The following HMOX2 variants were observed in gnomAD, a reference collection of about 807,000 sequenced individuals.
HMOX2 encodes heme oxygenase 2.
In HMOX2, 30 loss-of-function variants were observed where a neutral mutation model predicts 33.7. That is an observed-to-expected ratio of 0.89 (90% CI 0.67 to 1.21). The LOEUF (loss-of-function observed/expected upper bound fraction) is 1.21. Among genes scored for constraint, HMOX2 ranks in the 50% most tolerant of loss-of-function variants. The probability of loss-of-function intolerance (pLI) is 0.00; values close to 1 mark genes in which losing one functional copy is unlikely to be tolerated. For missense variants in HMOX2, 403 were observed against 399.1 expected, an observed-to-expected ratio of 1.01 and a Z score of -0.08; for synonymous variants, 155 against 155.0, an observed-to-expected ratio of 1.00 and a Z score of 0.00.
At chr16:4,481,813 G>C (rs8057858) in intron 1 of HMOX2, 17,475 of 152,126 alleles carry the variant, frequency 0.11, 2,094 homozygotes, top group African/African-American at 0.3. Flanking sequence ...CTGCTGTTGT[G>C]TCTGGCAAGA....
At chr16:4,492,799 G>A (rs549354541) in intron 1 of HMOX2, among the ~76,000 whole-genome samples, 154 of 152,170 alleles carry the variant, frequency 1.0e-3, no homozygotes, top group African/African-American at 3.3e-3. Flanking sequence ...CACTTTGGGA[G>A]GCCGAGGCGG....
intron 1 of HMOX2, among the ~76,000 whole-genome samples, chr16:4,480,439 G>A (rs898605671): frequency 4.0e-5 from 6 of 150,942 alleles, no homozygotes; most frequent in African/African-American, 1.5e-4. Context: ...CTGCCTCCTG[G>A]GTTCAAGTGA....
In HMOX2 at chr16:4,490,956, G is replaced by A. The variant is rs73494693; in HGVS notation, c.-42+14469G>A. ...TGCGTGCGTGCAAGCACATTTGTGC[G>A]CTATAGGACATTGAGTAGTATCCCT... On this transcript the variant is annotated intron_variant, in intron 1 of 5. Transcript: ENST00000570646. 1.6e-3 allele frequency among the ~76,000 whole-genome samples: 245 copies of A among 152,210 alleles called. 2 individuals are homozygous for A. Among genetic ancestry groups the A allele is most frequent in the African/African-American group, 5.3e-3 (222 of 41,528 alleles).
chr16:4,488,842 T>G (rs1379485034), intron 1 of HMOX2: 5 of 127,300 alleles, frequency 3.9e-5, no homozygotes, highest in East Asian at 2.2e-4. Flanking sequence ...TTTTTTTTTT[T>G]GAGACAGGAT....
intron 1 of HMOX2, chr16:4,481,675 C>T (rs1428592079): frequency 6.6e-6 from 1 of 152,196 alleles, no homozygotes; most frequent in Non-Finnish European, 1.5e-5. Flanking sequence ...TTGAAAGGTA[C>T]TTGACGTGCA....
intron 1 of HMOX2, among the ~76,000 whole-genome samples, chr16:4,492,095 A>G (rs750973441): frequency 2.4e-4 from 37 of 152,108 alleles, no homozygotes; most frequent in Non-Finnish European, 4.0e-4. Flanking sequence ...TGTAATCCCA[A>G]CAATGGGAGG....
intron 1 of HMOX2, among the ~76,000 whole-genome samples, chr16:4,487,744 G>A (rs993693769): frequency 2.6e-5 from 4 of 151,044 alleles, no homozygotes; most frequent in African/African-American, 9.8e-5. Flanking sequence ...AGGTTGCAGT[G>A]AGCTGAGAAC....
chr16:4,488,267 A>C (rs1202776198), intron 1 of HMOX2, among the ~76,000 whole-genome samples: 2 of 152,038 alleles, frequency 1.3e-5, no homozygotes, highest in Middle Eastern at 3.2e-3. Flanking sequence ...TCATGTCCTC[A>C]GTCAGTAGTT....
At chr16:4,495,126 A>C (rs17880596) in intron 1 of HMOX2, among the ~76,000 whole-genome samples, 5,202 of 152,308 alleles carry the variant, frequency 0.034, 308 homozygotes, top group African/African-American at 0.12. Flanking sequence ...CTGCCCGACT[A>C]GTCCTATGGG....
At chr16:4,501,889 G>A (rs1279030122) in intron 1 of HMOX2, among the ~76,000 whole-genome samples, 1 of 152,122 alleles carries the variant, frequency 6.6e-6, no homozygotes, top group East Asian at 1.9e-4. Flanking sequence ...TATGCTAACC[G>A]AGCCTTCCCA....
chr16:4,507,449 C>CA (rs757895134), intron 3 of HMOX2, among the ~76,000 whole-genome samples: 1,777 of 126,552 alleles, frequency 0.014, 31 homozygotes, highest in African/African-American at 0.043. Context: ...TTTACCCCGC[C>CA]AAAAAAAAAA....
rs1173756651 is a variant in HMOX2, at chr16:4,505,754, G to A, written c.86+144G>A. 3.4e-5 allele frequency: 20 copies of A among 585,820 alleles called. No homozygotes were observed. In the South Asian group the frequency reaches 4.0e-4, roughly 12 times the overall value. 36.3% of individuals were successfully genotyped at this position (585,820 alleles called of 1,614,324 possible). ...CCCTGGGTGCCTGCTTGGCCCTGCA[G>A]GGACCGCATACAGCTTCGGCTGCTT... is the stretch of plus-strand genomic sequence containing the variant. On this transcript the variant is annotated intron_variant, in intron 2 of 5. Coordinates refer to ENST00000570646, the MANE Select transcript of HMOX2 (RefSeq NM_002134.4).
At chr16:4,505,455 C>G in intron 1 of HMOX2, 29 bp from the exon 2 acceptor site, 1 of 1,195,346 alleles carries the variant, frequency 8.4e-7, no homozygotes, top group Admixed American at 2.4e-5. Context: ...CCGTGGGTGC[C>G]ACATCACCAG....
intron 1 of HMOX2, among the ~76,000 whole-genome samples, chr16:4,504,354 ATTTTTTTTTT>A (rs34314976): frequency 2.9e-4 from 21 of 72,886 alleles, no homozygotes; most frequent in Non-Finnish European, 4.8e-4. Context: ...GTAACTTTCA[ATTTTTTTTTT>A]TTTTTTTTTT....
intron 3 of HMOX2, 58 bp downstream of exon 3, chr16:4,507,070 TC>T: frequency 8.6e-7 from 1 of 1,156,752 alleles, no homozygotes; most frequent in Non-Finnish European, 1.3e-6. Flanking sequence ...GGGGCCTTGG[TC>T]CCATGAGAAA....
chr16:4,500,595 C>T (rs2141588644), intron 1 of HMOX2, among the ~76,000 whole-genome samples: 1 of 152,226 alleles, frequency 6.6e-6, no homozygotes, highest in South Asian at 2.1e-4. Context: ...TTTATTGTTC[C>T]TTTCTGTATG....
intron 1 of HMOX2, among the ~76,000 whole-genome samples, chr16:4,482,530 A>G (rs1387145835): frequency 1.8e-4 from 27 of 152,212 alleles, no homozygotes; most frequent in Admixed American, 1.4e-3. Flanking sequence ...GATCCCACCA[A>G]TTGAGGGCTC....
intron 1 of HMOX2, among the ~76,000 whole-genome samples, chr16:4,494,623 A>G (rs938953477): frequency 5.3e-5 from 8 of 152,160 alleles, no homozygotes; most frequent in Non-Finnish European, 7.4e-5. Flanking sequence ...TCATGCTTGT[A>G]TTCCCAGCAT....
chr16:4,496,526 A>C (rs1208182396), intron 1 of HMOX2: 3 of 152,160 alleles, frequency 2.0e-5, no homozygotes, highest in Admixed American at 6.6e-5. Context: ...TGTAGCCCAT[A>C]ACTTCAGTTT....
Sources: gnomAD v4.1 joint callset for allele counts (sites outside exome capture counted in the v4.1 genomes callset) on GRCh38, gnomAD v4.1.1 for gene constraint, MANE v1.5 for transcripts, NCBI Gene and HGNC (gene_info 2026-07-23, HGNC 2026-07-21) for gene names.